Variants in ADAMTS3 observed in about 807,000 individuals in gnomAD.
ADAMTS3 encodes ADAM metallopeptidase with thrombospondin type 1 motif 3.
ADAMTS3 carries 73 observed loss-of-function variants against 129.0 expected under a neutral mutation model. That is an observed-to-expected ratio of 0.57 (90% CI 0.47 to 0.69). The LOEUF (loss-of-function observed/expected upper bound fraction) is 0.69. Among genes scored for constraint, ADAMTS3 ranks in the 30% least tolerant of loss-of-function variants. ADAMTS3 has a pLI of 0.00. For synonymous variants in ADAMTS3, 477 were observed against 510.8 expected (o/e 0.93, Z 0.89); for missense variants, 1,457 against 1,514.5 (o/e 0.96, Z 0.63).
At chr4:72,408,231 T>A (rs542009862) in intron 4 of ADAMTS3, among the ~76,000 whole-genome samples, 1 of 152,252 alleles carries the variant, frequency 6.6e-6, no homozygotes, top group Non-Finnish European at 1.5e-5. Flanking sequence ...ATTTTCTTTT[T>A]CTTTAACAGA....
At chr4:72,341,685 G>A (rs1212494600) in intron 4 of ADAMTS3, among the ~76,000 whole-genome samples, 10 of 152,182 alleles carry the variant, frequency 6.6e-5, no homozygotes, top group Non-Finnish European at 1.5e-4. Context: ...GAATGAAGTA[G>A]GCTGAATACT....
chr4:72,283,352 A>G lies in ADAMTS3; in HGVS notation c.3402T>C (p.Ala1134=). Residue 1134 remains alanine, a synonymous_variant, in exon 22 of 22, where the codon GCT becomes GCC. Transcript: ENST00000286657. ...PDGANLRQRS[A]QQAGSKTVRL... is the part of the protein sequence containing the mutation. The stretch of plus-strand genomic sequence containing the variant: ...TCACAGTCTTACTTCCTGCTTGCTG[A>G]GCACTCCTCTGGCGTAAATTAGCAC... 1 of 1,613,558 alleles carries G rather than the reference A, an allele frequency of 6.2e-7. No individual in the cohort carries two copies. The highest frequency in any genetic ancestry group is 1.3e-5 in the African/African-American group (1 of 74,972).
Position 72,550,105 on chromosome 4 carries a change from A to G in ADAMTS3, c.98-1221T>C, listed in dbSNP as rs1010239340. On this transcript the variant is annotated intron_variant, in intron 2 of 21. Transcript: ENST00000286657. ...AGGAAGAAGAAGAAGAAGAAGAAGA[A>G]GAAGAAGAAGAAGGCATAGAAAGGG... is the stretch of plus-strand genomic sequence containing the variant. Among the ~76,000 whole-genome samples the G allele has an allele frequency of 4.9e-3, 669 of 137,022 alleles. 41 individuals are homozygous for G. Among genetic ancestry groups the G allele is most frequent in the African/African-American group, 6.3e-3 (231 of 36,544 alleles). 89.9% of individuals were successfully genotyped at this position (137,022 alleles called of 152,430 possible). A position where few individuals can be genotyped will look rare whatever the true frequency, so the allele number is the denominator to read the frequency against.
intron 2 of ADAMTS3, among the ~76,000 whole-genome samples, chr4:72,565,845 T>C (rs533257808): frequency 6.6e-6 from 1 of 152,356 alleles, no homozygotes; most frequent in African/African-American, 2.4e-5. Flanking sequence ...GCCTCTTATA[T>C]GAGAGCATCC....
chr4:72,287,187 G>A (rs1280287741), intron 21 of ADAMTS3, among the ~76,000 whole-genome samples: 1 of 152,044 alleles, frequency 6.6e-6, no homozygotes. Flanking sequence ...CACCATCTAG[G>A]AAGCCCTCAC....
intron 3 of ADAMTS3, among the ~76,000 whole-genome samples, chr4:72,459,196 G>A (rs551603084): frequency 6.6e-6 from 1 of 151,688 alleles, no homozygotes; most frequent in African/African-American, 2.4e-5. Flanking sequence ...GAAGCCCAAA[G>A]TTAGGGAACA....
chr4:72,543,615 A>C (rs980016310), intron 3 of ADAMTS3, among the ~76,000 whole-genome samples: 2 of 152,180 alleles, frequency 1.3e-5, no homozygotes, highest in African/African-American at 4.8e-5. Flanking sequence ...AACTAGTCCC[A>C]AAAATGAAAA....
chr4:72,322,296 G>A (rs547007285), intron 6 of ADAMTS3, among the ~76,000 whole-genome samples: 8 of 152,090 alleles, frequency 5.3e-5, no homozygotes, highest in African/African-American at 7.2e-5. Flanking sequence ...GTACAACTTC[G>A]TTAATATTTC....
At chr4:72,470,376 T>TACACAC (rs373903285) in intron 3 of ADAMTS3, among the ~76,000 whole-genome samples, 3 of 137,964 alleles carry the variant, frequency 2.2e-5, no homozygotes, top group African/African-American at 8.0e-5. Context: ...TATATATATA[T>TACACAC]ACACACACAC....
intron 4 of ADAMTS3, among the ~76,000 whole-genome samples, chr4:72,388,368 T>C (rs1260553251): frequency 6.6e-6 from 1 of 152,210 alleles, no homozygotes; most frequent in Non-Finnish European, 1.5e-5. Context: ...TACCACTGCC[T>C]GTATATTGAG....
intron 3 of ADAMTS3, among the ~76,000 whole-genome samples, chr4:72,481,397 C>T (rs898481992): frequency 6.6e-6 from 1 of 152,072 alleles, no homozygotes; most frequent in African/African-American, 2.4e-5. Context: ...ATATCCACAC[C>T]AATATGCCCA....
Position 72,283,365 on chromosome 4 carries a change from C to A in ADAMTS3, c.3389G>T (p.Arg1130Leu). The A allele has an allele frequency of 1.2e-6, 2 of 1,613,484 alleles. No homozygotes were observed. The highest frequency in any genetic ancestry group is 8.5e-7 in the Non-Finnish European group (1 of 1,179,532). ...TCCTGCTTGCTGAGCACTCCTCTGG[C>A]GTAAATTAGCACCATCAGGTTTACT... ...PNSKPDGANL[R>L]QRSAQQAGSK... The change falls in exon 22 of 22, where the codon CGC (arginine) becomes CTC (leucine). Residue 1130 changes from arginine to leucine, a missense_variant. Coordinates refer to ENST00000286657, the MANE Select transcript of ADAMTS3 (RefSeq NM_014243.3).
intron 19 of ADAMTS3, among the ~76,000 whole-genome samples, chr4:72,294,420 T>C (rs1184806852): frequency 6.6e-6 from 1 of 152,090 alleles, no homozygotes; most frequent in East Asian, 1.9e-4. Flanking sequence ...GAAACTGATA[T>C]TTCAAAATTG....
chr4:72,411,750 C>T (rs944660296), intron 4 of ADAMTS3, among the ~76,000 whole-genome samples: 1 of 152,072 alleles, frequency 6.6e-6, no homozygotes, highest in Non-Finnish European at 1.5e-5. Context: ...AAGCCTATTT[C>T]TGTTTCTCAT....
At chr4:72,501,267 T>TTTG (rs1720014624) in intron 3 of ADAMTS3, among the ~76,000 whole-genome samples, 1 of 152,140 alleles carries the variant, frequency 6.6e-6, no homozygotes, top group Non-Finnish European at 1.5e-5. Flanking sequence ...TTTCAGTTTA[T>TTTG]TTGTGTCATC....
chr4:72,550,785 T>C (rs1721626778), intron 2 of ADAMTS3, among the ~76,000 whole-genome samples: 1 of 152,116 alleles, frequency 6.6e-6, no homozygotes, highest in Non-Finnish European at 1.5e-5. Flanking sequence ...GTGTCACGGG[T>C]GCAGAGTGAC....
intron 4 of ADAMTS3, among the ~76,000 whole-genome samples, chr4:72,358,430 C>A (rs1342764599): frequency 6.6e-6 from 1 of 151,912 alleles, no homozygotes; most frequent in Non-Finnish European, 1.5e-5. Flanking sequence ...TCCTGCAGGT[C>A]CCGAAACAGC....
At chr4:72,288,384 C>T (rs1047237197) in intron 21 of ADAMTS3, among the ~76,000 whole-genome samples, 1 of 152,174 alleles carries the variant, frequency 6.6e-6, no homozygotes, top group East Asian at 1.9e-4. Flanking sequence ...TAAAATATTT[C>T]AAAATCTTTG....
chr4:72,320,518 G>A (rs1044168532), intron 7 of ADAMTS3, among the ~76,000 whole-genome samples, 196 bp downstream of exon 7: 16 of 152,116 alleles, frequency 1.1e-4, no homozygotes, highest in African/African-American at 2.4e-4. Flanking sequence ...TATAATTTAC[G>A]ATGGTATTTA....
Sources: allele counts gnomAD v4.1 joint callset (sites outside exome capture counted in the v4.1 genomes callset), GRCh38; gene constraint gnomAD v4.1.1; transcripts MANE v1.5; gene names NCBI Gene and HGNC (gene_info 2026-07-23, HGNC 2026-07-21).